HSP90AA1: variants seen among roughly 807,000 people sequenced by gnomAD.
HSP90AA1 encodes the protein heat shock protein HSP 90-alpha.
In HSP90AA1, 18 loss-of-function variants were observed where a neutral mutation model predicts 73.3. The observed-to-expected ratio is 0.25, with a 90% CI of 0.17 to 0.36. HSP90AA1 has a LOEUF of 0.36. HSP90AA1 is among the 10% of genes least tolerant of loss of function. The pLI, the probability that HSP90AA1 is intolerant of heterozygous loss-of-function variation, is 1.00. For synonymous variants in HSP90AA1, 477 were observed against 296.9 expected, an observed-to-expected ratio of 1.61 and a Z score of -6.24; for missense variants, 704 against 874.2, an observed-to-expected ratio of 0.81 and a Z score of 2.45.
At position 102,082,805 on chromosome 14, in the gene HSP90AA1, A is replaced by G. The variant is rs187622667; in HGVS notation, c.1755+229T>C. The G allele has an allele frequency of 7.3e-3, 3,975 of 544,946 alleles. 36 individuals carry two copies. The highest frequency in any genetic ancestry group is 0.014 in the South Asian group (691 of 50,684). 33.8% of individuals were successfully genotyped at this position (544,946 alleles called of 1,614,324 possible). On this transcript the variant is annotated intron_variant, in intron 9 of 10. Transcript: ENST00000216281. ...TGGTTTATTTTTTTCTATTTTTAGT[A>G]GAGACTGAGTTTCACCGTGTTAGCC... is the stretch of plus-strand genomic sequence containing the variant.
intron 1 of HSP90AA1, among the ~76,000 whole-genome samples, chr14:102,132,743 G>A (rs1479467483): frequency 6.6e-6 from 1 of 152,116 alleles, no homozygotes; most frequent in East Asian, 1.9e-4. Context: ...CAGATCACTT[G>A]AGGTCAGGAG....
chr14:102,101,522 G>A (rs111683065), intron 2 of HSP90AA1, among the ~76,000 whole-genome samples: 8 of 152,336 alleles, frequency 5.3e-5, no homozygotes, highest in East Asian at 1.9e-4. Context: ...GCTGTCCTCC[G>A]TGAGTGGGTG....
rs769407955 is a variant in HSP90AA1, at chr14:102,083,322, C to T, written c.1487-20G>A. The T allele has an allele frequency of 8.7e-6, 14 of 1,613,276 alleles. No individual in the cohort carries two copies. In the Admixed American group the frequency reaches 2.0e-4, roughly 23 times the overall value. On this transcript the variant is annotated intron_variant, in intron 8 of 10. Transcript: ENST00000216281. Reference sequence around the variant, plus strand: ...TCTCACCTGAGGTATTACAAAGTTACTTTTAGACCTTTTAACAGTTAAGAA... The same window carrying T: ...TCTCACCTGAGGTATTACAAAGTTATTTTTAGACCTTTTAACAGTTAAGAA...
chr14:102,129,417 G>A (rs867734448), intron 1 of HSP90AA1, among the ~76,000 whole-genome samples: 3 of 151,916 alleles, frequency 2.0e-5, no homozygotes, highest in Non-Finnish European at 4.4e-5. Context: ...AAGAAACCCT[G>A]GGCTCATTAG....
rs139453077 is a variant in HSP90AA1 at position 102,119,780 on chromosome 14, C to T, written c.156-17695G>A. On this transcript the variant is annotated intron_variant, in intron 1 of 11. Coordinates refer to the HSP90AA1 transcript ENST00000334701. ...GGGATTACAGGTGTGAGCCACCACA[C>T]CCGGCCGTTTTCCTCTTCTTTATGC... 1.9e-3 allele frequency among the ~76,000 whole-genome samples: 293 copies of T among 152,282 alleles called. 1 individual carries two copies. The highest frequency in any genetic ancestry group is 0.017 in the Middle Eastern group (5 of 294).
intron 2 of HSP90AA1, among the ~76,000 whole-genome samples, chr14:102,092,207 T>C (rs2049368318): frequency 6.6e-6 from 1 of 152,070 alleles, no homozygotes; most frequent in African/African-American, 2.4e-5. Flanking sequence ...TAGCTGGGAT[T>C]ACATGCATGC....
At chr14:102,134,149 C>A (rs2049946951) in intron 1 of HSP90AA1, among the ~76,000 whole-genome samples, 2 of 139,018 alleles carry the variant, frequency 1.4e-5, no homozygotes. Flanking sequence ...AGACCTGTCT[C>A]AAAAAAAAAA....
chr14:102,092,360 C>G (rs1297933870), intron 2 of HSP90AA1, among the ~76,000 whole-genome samples: 1 of 152,052 alleles, frequency 6.6e-6, no homozygotes, highest in African/African-American at 2.4e-5. Context: ...AGTGAGCCAC[C>G]ATGCTATTAT....
At chr14:102,134,489 T>G (rs534821088) in intron 1 of HSP90AA1, among the ~76,000 whole-genome samples, 16 of 152,254 alleles carry the variant, frequency 1.1e-4, no homozygotes, top group African/African-American at 3.6e-4. Flanking sequence ...ACCCTCGCAG[T>G]GAGTGTTACA....
chr14:102,086,498 A>G, intron 1 of HSP90AA1, 120 bp from the exon 2 acceptor site: 1 of 1,141,438 alleles, frequency 8.8e-7, no homozygotes, highest in Non-Finnish European at 1.3e-6. Context: ...GTTTAAGTAA[A>G]CCGAAAATAG....
chr14:102,104,843 T>C (rs1381682165), intron 1 of HSP90AA1, among the ~76,000 whole-genome samples: 2 of 151,928 alleles, frequency 1.3e-5, no homozygotes, highest in Non-Finnish European at 2.9e-5. Context: ...TGTCTTCCTG[T>C]ACCTGGCTTA....
At chr14:102,118,435 G>C (rs7145760) in intron 1 of HSP90AA1, among the ~76,000 whole-genome samples, 12,797 of 151,468 alleles carry the variant, frequency 0.084, 942 homozygotes, top group African/African-American at 0.2. Context: ...AATTGAGATG[G>C]GGTCTATGTT....
chr14:102,137,325 A>G (rs2050014647), intron 1 of HSP90AA1, among the ~76,000 whole-genome samples: 1 of 150,040 alleles, frequency 6.7e-6, no homozygotes. Flanking sequence ...TTATTTATCT[A>G]TTTATTTATT....
chr14:102,087,956 T>TTG (rs1459364349), upstream of HSP90AA1, among the ~76,000 whole-genome samples: 2 of 142,996 alleles, frequency 1.4e-5, no homozygotes, highest in East Asian at 4.0e-4. Flanking sequence ...TTTTTCTTTT[T>TTG]TTTTTTTTTG....
intron 1 of HSP90AA1, among the ~76,000 whole-genome samples, chr14:102,115,971 A>G (rs1782186910): frequency 7.5e-6 from 1 of 133,684 alleles, no homozygotes; most frequent in Non-Finnish European, 1.6e-5. Context: ...TTTTTTTTTG[A>G]GATGGAGTCT....
At chr14:102,085,507 G>GT (rs945009398) in intron 3 of HSP90AA1, 76 bp from the exon 4 acceptor site, 7 of 1,417,806 alleles carry the variant, frequency 4.9e-6, no homozygotes, top group Non-Finnish European at 7.0e-6. Context: ...CCCTTATAAC[G>GT]TGTCTATAAA....
chr14:102,086,279 T>C lies in HSP90AA1; in HGVS notation c.100A>G (p.Ile34Val), dbSNP rs533377532. The change falls in exon 2 of 11, where the codon ATC becomes GTC. Residue 34 changes from isoleucine (I) to valine (V), a missense_variant. Transcript: ENST00000216281. ...AEIAQLMSLI[I>V]NTFYSNKEIF... ...TCTTTGTTCGAGTAGAAAGTATTGA[T>C]GATCAATGACATCAACTGGGCAATT... 1.9e-6 allele frequency: 3 copies of C among 1,614,018 alleles called. No individual in the cohort carries two copies. Among genetic ancestry groups the C allele is most frequent in the Non-Finnish European group, 1.7e-6 (2 of 1,179,986 alleles).
At chr14:102,136,828 C>T (rs2050004678) in intron 1 of HSP90AA1, among the ~76,000 whole-genome samples, 2 of 149,502 alleles carry the variant, frequency 1.3e-5, no homozygotes, top group South Asian at 4.2e-4. Context: ...GCAGAGGTTG[C>T]AGTGAGTCGA....
chr14:102,135,030 G>C (rs1377547043), intron 1 of HSP90AA1, among the ~76,000 whole-genome samples: 1 of 152,178 alleles, frequency 6.6e-6, no homozygotes, highest in Non-Finnish European at 1.5e-5. Context: ...GGTTCTCCAA[G>C]GCCCCACCAG....
Sources: gnomAD v4.1 joint callset for allele counts (sites outside exome capture counted in the v4.1 genomes callset) on GRCh38, gnomAD v4.1.1 for gene constraint, MANE v1.5 for transcripts, NCBI Gene and HGNC (gene_info 2026-07-23, HGNC 2026-07-21) for gene names.